The following PRKN variants were observed in gnomAD, a reference collection of about 807,000 sequenced individuals.
PRKN encodes E3 ubiquitin-protein ligase parkin.
In PRKN, 56 loss-of-function variants were observed where a neutral mutation model predicts 59.5. The ratio of observed to expected loss-of-function variants is 0.94; its 90% CI spans 0.76 to 1.18. The LOEUF (loss-of-function observed/expected upper bound fraction) is 1.18. Ranked by LOEUF, PRKN falls within the 50% of genes most tolerant of loss-of-function variation. The probability of loss-of-function intolerance (pLI) is 0.00; values close to 1 mark genes in which losing one functional copy is unlikely to be tolerated. For missense variants in PRKN, 657 were observed against 596.4 expected, an observed-to-expected ratio of 1.10 and a Z score of -1.06; for synonymous variants, 250 against 222.1, an observed-to-expected ratio of 1.13 and a Z score of -1.12.
At chr6:161,848,003 G>T (rs1304838856) in intron 6 of PRKN, among the ~76,000 whole-genome samples, 1 of 152,138 alleles carries the variant, frequency 6.6e-6, no homozygotes, top group Non-Finnish European at 1.5e-5. Context: ...AGAGCTGTAG[G>T]GAAGATTTAG....
intron 6 of PRKN, among the ~76,000 whole-genome samples, chr6:161,934,098 C>CG (rs1779267483): frequency 6.6e-6 from 1 of 152,144 alleles, no homozygotes; most frequent in Non-Finnish European, 1.5e-5. Flanking sequence ...AATTGAATCA[C>CG]GGGGGCGCTT....
chr6:161,608,100 G>T (rs564252313), intron 7 of PRKN, among the ~76,000 whole-genome samples: 1 of 152,292 alleles, frequency 6.6e-6, no homozygotes, highest in South Asian at 2.1e-4. Flanking sequence ...GGACGACAGT[G>T]CCCTCCGCTG....
intron 6 of PRKN, among the ~76,000 whole-genome samples, chr6:161,817,508 T>G (rs1791838725): frequency 6.6e-6 from 1 of 152,226 alleles, no homozygotes; most frequent in Non-Finnish European, 1.5e-5. Context: ...ATGATTCCCT[T>G]TTATTAAGTG....
intron 1 of PRKN, among the ~76,000 whole-genome samples, chr6:162,724,711 ACTCT>A (rs1162157385): frequency 6.6e-6 from 1 of 152,014 alleles, no homozygotes; most frequent in African/African-American, 2.4e-5. Context: ...TGCTCTGGAG[ACTCT>A]CTCAGCACTC....
At position 161,352,265 on chromosome 6, in the gene PRKN, T is replaced by A. The variant is rs184606015; in HGVS notation, c.1286-2054A>T. On this transcript the variant is annotated intron_variant, in intron 11 of 11. Transcript: ENST00000366898. This position sits in a 1 kb window ranked among gnomAD's most constrained non-coding sequence, Gnocchi z 5.8. The stretch of plus-strand genomic sequence containing the variant: ...TGAGAACTTTCACTAATTTAAAATA[T>A]TTATGAATATATAGGAATAGGCATT... Among the ~76,000 whole-genome samples, 262 of 152,350 alleles carry A rather than the reference T, an allele frequency of 1.7e-3. 3 individuals are homozygous for A. The highest frequency in any genetic ancestry group is 1.6e-4 in the Non-Finnish European group (11 of 68,030).
At chr6:161,482,482 T>C (rs1285066951) in intron 9 of PRKN, among the ~76,000 whole-genome samples, 3 of 152,228 alleles carry the variant, frequency 2.0e-5, no homozygotes, top group Non-Finnish European at 4.4e-5. Context: ...TATGACTAAG[T>C]TCTTTAAGGG....
At chr6:162,475,535 A>C (rs904855324) in intron 1 of PRKN, among the ~76,000 whole-genome samples, 1 of 152,100 alleles carries the variant, frequency 6.6e-6, no homozygotes, top group African/African-American at 2.4e-5. Flanking sequence ...AGGTACATGC[A>C]TGTATGCATG....
chr6:161,453,053 C>T (rs1000123312), intron 9 of PRKN, among the ~76,000 whole-genome samples: 1 of 152,136 alleles, frequency 6.6e-6, no homozygotes, highest in East Asian at 1.9e-4. Context: ...TGTATTCAAT[C>T]GCATTTTTGA....
chr6:162,262,887 A>G lies in PRKN; in HGVS notation c.172-122T>C. The stretch of plus-strand genomic sequence containing the variant: ...AAGCAAAAGTGACATGTAACTGACC[A>G]ACTTAGGTGCTCCTTTGCCCACAGC... On this transcript the variant is annotated intron_variant, in intron 2 of 11. Coordinates refer to ENST00000366898, the MANE Select transcript of PRKN (RefSeq NM_004562.3). 2.4e-6 allele frequency: 3 copies of G among 1,240,678 alleles called. No individual in the cohort carries two copies. In the South Asian group the frequency reaches 4.0e-5, roughly 17 times the overall value. 76.9% of individuals were successfully genotyped at this position (1,240,678 alleles called of 1,614,324 possible).
In PRKN at chr6:162,056,091, TCA is replaced by T. The variant is rs1261697436; in HGVS notation, c.535-1919_535-1918del. Among the ~76,000 whole-genome samples the T allele has an allele frequency of 3.0e-5, 4 of 131,208 alleles. No individual in the cohort carries two copies. The highest frequency in any genetic ancestry group is 2.3e-4 in the East Asian group (1 of 4,346). 86.1% of individuals were successfully genotyped at this position (131,208 alleles called of 152,430 possible). On this transcript the variant is annotated intron_variant, in intron 4 of 11. Coordinates refer to ENST00000366898, the MANE Select transcript of PRKN (RefSeq NM_004562.3). This position sits in a 1 kb window ranked among gnomAD's most constrained non-coding sequence, Gnocchi z 4.9. Reference sequence around the variant, plus strand: ...CACGTGCACACACATCCCACACACCTCACACACCCCACACACATATACCCACA... The same window carrying T: ...CACGTGCACACACATCCCACACACCTCACACCCCACACACATATACCCACA...
intron 6 of PRKN, among the ~76,000 whole-genome samples, chr6:161,943,445 A>C (rs1779638879): frequency 6.6e-6 from 1 of 152,244 alleles, no homozygotes; most frequent in Non-Finnish European, 1.5e-5. Context: ...TTTAGACATG[A>C]AATGTAATAT....
rs533295834 is a variant in PRKN, at chr6:161,484,189, G to A, written c.1083+64665C>T. 6.6e-6 allele frequency among the ~76,000 whole-genome samples: 1 copy of A among 152,136 alleles called. No homozygotes were observed. The highest frequency in any genetic ancestry group is 2.4e-5 in the African/African-American group (1 of 41,492). On this transcript the variant is annotated intron_variant, in intron 9 of 11. Transcript: ENST00000366898. This position sits in a 1 kb window ranked among gnomAD's most constrained non-coding sequence, Gnocchi z 4.9. ...ACCCCTGAACTTAAAATGAAAAGTTGAAGAAAATTTTAAAAAAAGACCCTG... is the reference window on the plus strand; with the variant it reads ...ACCCCTGAACTTAAAATGAAAAGTTAAAGAAAATTTTAAAAAAAGACCCTG...
intron 7 of PRKN, among the ~76,000 whole-genome samples, chr6:161,590,401 C>T (rs1240530303): frequency 1.3e-5 from 2 of 151,916 alleles, no homozygotes; most frequent in African/African-American, 4.8e-5. Flanking sequence ...AGTTCGTGAC[C>T]AGCCTAGCCA....
At chr6:162,148,641 G>A (rs1177627423) in intron 4 of PRKN, among the ~76,000 whole-genome samples, 1 of 151,844 alleles carries the variant, frequency 6.6e-6, no homozygotes, top group Non-Finnish European at 1.5e-5. Flanking sequence ...TTAAAATGTG[G>A]AAAAAAGCCT....
intron 1 of PRKN, among the ~76,000 whole-genome samples, chr6:162,653,458 T>G (rs923153178): frequency 2.0e-5 from 3 of 152,190 alleles, no homozygotes; most frequent in Admixed American, 6.5e-5. Flanking sequence ...CAAATAATCT[T>G]CTCATAGAAA....
chr6:162,240,115 T>C (rs1483250496), intron 3 of PRKN, among the ~76,000 whole-genome samples: 1 of 152,178 alleles, frequency 6.6e-6, no homozygotes, highest in East Asian at 1.9e-4. Context: ...ACGCTCAGGT[T>C]TGAATGACAC....
intron 9 of PRKN, among the ~76,000 whole-genome samples, chr6:161,406,435 T>C (rs1787281334): frequency 6.6e-6 from 1 of 152,144 alleles, no homozygotes; most frequent in Admixed American, 6.6e-5. Context: ...GGGCGAGATG[T>C]CTGCTCAGTA....
At chr6:161,801,828 C>A (rs997971986) in intron 6 of PRKN, among the ~76,000 whole-genome samples, 2 of 152,088 alleles carry the variant, frequency 1.3e-5, no homozygotes, top group Non-Finnish European at 2.9e-5. Context: ...TTCGGGTGAA[C>A]AATGGGATGT....
intron 1 of PRKN, among the ~76,000 whole-genome samples, chr6:162,449,338 G>A (rs1040036520): frequency 3.9e-5 from 6 of 151,998 alleles, no homozygotes; most frequent in Non-Finnish European, 4.4e-5. Flanking sequence ...TTTTGTTAAC[G>A]GTAGTCCTTC....
Sources: allele counts gnomAD v4.1 joint callset (sites outside exome capture counted in the v4.1 genomes callset), GRCh38; gene constraint gnomAD v4.1.1; non-coding constraint Gnocchi (gnomAD v3.1); transcripts MANE v1.5; gene names NCBI Gene and HGNC (gene_info 2026-07-23, HGNC 2026-07-21).